SMC6: variants seen among roughly 807,000 people sequenced by gnomAD.
SMC6 encodes structural maintenance of chromosomes 6, also known as structural maintenance of chromosomes protein 6.
Under a neutral mutation model 142.2 loss-of-function variants are expected in SMC6, and 79 were observed. The observed-to-expected ratio is 0.56, with a 90% confidence interval of 0.46 to 0.67. The LOEUF (loss-of-function observed/expected upper bound fraction) is 0.67, where lower values mean the gene tolerates loss of function less well. Among genes scored for constraint, SMC6 ranks in the 30% least tolerant of loss-of-function variants. The pLI is 0.00. For synonymous variants in SMC6, 411 were observed against 412.4 expected, an observed-to-expected ratio of 1.00 and a Z score of 0.04; for missense variants, 1,072 against 1,284.0, an observed-to-expected ratio of 0.83 and a Z score of 2.52.
chr2:17,704,957 T>TAA (rs11361181), intron 18 of SMC6, among the ~76,000 whole-genome samples: 1 of 147,886 alleles, frequency 6.8e-6, no homozygotes, highest in Non-Finnish European at 1.5e-5. Context: ...GTAATTTTGC[T>TAA]AAAAAAAAAA....
In SMC6 at chr2:17,717,089, T is replaced by C; in HGVS notation, c.1180A>G (p.Ser394Gly). The change falls in exon 13 of 28, where the codon AGT becomes GGT. Residue 394 changes from serine to glycine, a missense_variant and splice_region_variant. This residue lies in a region of SMC6 where 994 missense variants were observed against 1,153.2 expected (regional missense o/e 0.86). Coordinates refer to ENST00000448223, the MANE Select transcript of SMC6 (RefSeq NM_001142286.2). ...LCKRIEELKK[S>G]TDQSLEPERL... Reference sequence around the variant, plus strand: ...AAAATTTCAAAGTAACTACCCTACCTTTTTTTCAGCTCTTCAATTCGTTTA... The same window carrying C: ...AAAATTTCAAAGTAACTACCCTACCCTTTTTTCAGCTCTTCAATTCGTTTA... 1 of 1,604,766 alleles carries C rather than the reference T, an allele frequency of 6.2e-7. No homozygotes were observed. The highest frequency in any genetic ancestry group is 8.5e-7 in the Non-Finnish European group (1 of 1,175,802).
At chr2:17,727,095 A>G (rs1320595761) in intron 7 of SMC6, among the ~76,000 whole-genome samples, 2 of 152,248 alleles carry the variant, frequency 1.3e-5, no homozygotes, top group Non-Finnish European at 2.9e-5. Flanking sequence ...CATTGCTTGA[A>G]TGAAACTACC....
chr2:17,707,423 A>G, intron 17 of SMC6, 44 bp from the exon 18 acceptor site: 1 of 1,312,232 alleles, frequency 7.6e-7, no homozygotes, highest in Non-Finnish European at 1.0e-6. Context: ...CGATGTGAAA[A>G]TTTTTCTGAT....
intron 24 of SMC6, chr2:17,680,626 A>G (rs1667198569): frequency 6.6e-6 from 1 of 152,208 alleles, no homozygotes; most frequent in Admixed American, 6.5e-5. Context: ...CTCCTTGTAT[A>G]TCATATCAGC....
At chr2:17,690,840 A>G (rs1667673419) in intron 23 of SMC6, among the ~76,000 whole-genome samples, 1 of 152,034 alleles carries the variant, frequency 6.6e-6, no homozygotes, top group African/African-American at 2.4e-5. Context: ...AGAATCTAAG[A>G]AGGCCACACG....
chr2:17,718,939 A>G (rs748009353), intron 11 of SMC6, among the ~76,000 whole-genome samples: 72 of 152,302 alleles, frequency 4.7e-4, no homozygotes, highest in Admixed American at 4.6e-4. Context: ...CACAGGGTAG[A>G]CAGAAAAATC....
At chr2:17,710,328 G>A (rs1033241581) in intron 16 of SMC6, among the ~76,000 whole-genome samples, 1 of 152,144 alleles carries the variant, frequency 6.6e-6, no homozygotes, top group African/African-American at 2.4e-5. Flanking sequence ...GTTTTGGGGT[G>A]GAAATCGGGA....
intron 1 of SMC6, among the ~76,000 whole-genome samples, 159 bp downstream of exon 1, chr2:17,753,467 G>A (rs1375738502): frequency 8.2e-6 from 1 of 121,818 alleles, no homozygotes; most frequent in East Asian, 2.0e-4. Flanking sequence ...CCGAGGAACG[G>A]ACATCTCCCG....
chr2:17,673,110 T>G (rs893624037), intron 25 of SMC6, among the ~76,000 whole-genome samples: 2 of 152,156 alleles, frequency 1.3e-5, no homozygotes, highest in African/African-American at 2.4e-5. Context: ...ATCATAACGG[T>G]GTGACAGTAA....
chr2:17,706,011 T>A (rs559145159), intron 18 of SMC6, among the ~76,000 whole-genome samples: 8 of 152,192 alleles, frequency 5.3e-5, no homozygotes, highest in Non-Finnish European at 1.0e-4. Flanking sequence ...TTATAGTCTA[T>A]CTTCCCCTAA....
intron 7 of SMC6, among the ~76,000 whole-genome samples, chr2:17,730,735 T>A (rs189449689): frequency 6.6e-6 from 1 of 151,668 alleles, no homozygotes; most frequent in Admixed American, 6.6e-5. Flanking sequence ...CCCAAGTAGC[T>A]AGGATTACAG....
rs750477093 is a variant in SMC6, at chr2:17,725,368, A to T, written c.625-10T>A. 9.0e-6 allele frequency: 14 copies of T among 1,561,150 alleles called. No individual in the cohort carries two copies. The Admixed American group carries it at 2.8e-4, about 31-fold the overall frequency. ...TTGCTTTCATGAAGAACTATTATCA[A>T]TAACAAAAAAAAACGCAATTAGGAG... On this transcript the variant is annotated splice_polypyrimidine_tract_variant and intron_variant, in intron 8 of 27. Coordinates refer to ENST00000448223, the MANE Select transcript of SMC6 (RefSeq NM_001142286.2).
chr2:17,675,747 T>C (rs1323325611), intron 25 of SMC6, among the ~76,000 whole-genome samples: 1 of 152,152 alleles, frequency 6.6e-6, no homozygotes, highest in African/African-American at 2.4e-5. Flanking sequence ...TCGAAACTAA[T>C]GCATATTTTT....
intron 4 of SMC6, among the ~76,000 whole-genome samples, chr2:17,741,288 GT>G (rs1670460701): frequency 6.6e-6 from 1 of 152,190 alleles, no homozygotes; most frequent in Non-Finnish European, 1.5e-5. Flanking sequence ...CTCTTACAAT[GT>G]TTAGTAAGGC....
chr2:17,702,943 G>A (rs1185765497), intron 19 of SMC6, among the ~76,000 whole-genome samples: 2 of 152,032 alleles, frequency 1.3e-5, no homozygotes, highest in South Asian at 2.1e-4. Context: ...ACTAATACAT[G>A]AATTAATAAA....
rs1669078841 is a variant in SMC6 at position 17,716,282 on chromosome 2, A to G, written c.1347-18T>C. On this transcript the variant is annotated intron_variant, in intron 14 of 27. Coordinates refer to ENST00000448223, the MANE Select transcript of SMC6 (RefSeq NM_001142286.2). ...CTTCTCTCCTAAAAAACAAAAGCAG[A>G]AAAACAGAACATATATGTGATAGTT... 1 of 1,598,372 alleles carries G rather than the reference A, an allele frequency of 6.3e-7. No individual in the cohort carries two copies. Among genetic ancestry groups the G allele is most frequent in the African/African-American group, 1.4e-5 (1 of 73,612 alleles).
chr2:17,694,984 A>G (rs1667922636), intron 23 of SMC6, among the ~76,000 whole-genome samples, 168 bp downstream of exon 23: 1 of 147,058 alleles, frequency 6.8e-6, no homozygotes, highest in Non-Finnish European at 1.5e-5. Flanking sequence ...AGAAGAAAAA[A>G]GGTTACTATT....
At chr2:17,700,470 C>T in intron 20 of SMC6, 92 bp from the exon 21 acceptor site, 1 of 960,828 alleles carries the variant, frequency 1.0e-6, no homozygotes. Flanking sequence ...AGAGGAGAAA[C>T]TATAGGCTAT....
At chr2:17,750,766 C>T (rs941923614) in intron 2 of SMC6, among the ~76,000 whole-genome samples, 5 of 151,952 alleles carry the variant, frequency 3.3e-5, no homozygotes, top group African/African-American at 9.7e-5. Context: ...TTTGGAAGGC[C>T]AAGGCAGGCG....
Sources: allele counts gnomAD v4.1 joint callset (sites outside exome capture counted in the v4.1 genomes callset), GRCh38; gene constraint gnomAD v4.1.1; regional missense constraint gnomAD v4.1.1; transcripts MANE v1.5; gene names NCBI Gene and HGNC (gene_info 2026-07-23, HGNC 2026-07-21).